COL15A1: variants seen among roughly 807,000 people sequenced by gnomAD.
The protein encoded by COL15A1 is collagen type XV alpha 1 chain.
A neutral mutation model predicts 165.9 loss-of-function variants in COL15A1; 111 were observed. That is an observed-to-expected ratio of 0.67 (90% confidence interval 0.57 to 0.78). The LOEUF is 0.78. Among genes scored for constraint, COL15A1 ranks in the 30% least tolerant of loss-of-function variants. The pLI is 0.00. For missense variants in COL15A1, 1,745 were observed against 1,789.7 expected, an observed-to-expected ratio of 0.98 and a Z score of 0.45; for synonymous variants, 659 against 674.8, an observed-to-expected ratio of 0.98 and a Z score of 0.36.
intron 2 of COL15A1, among the ~76,000 whole-genome samples, chr9:98,957,081 T>C (rs1837788769): frequency 6.6e-6 from 1 of 152,136 alleles, no homozygotes; most frequent in Admixed American, 6.5e-5. Context: ...AGGCTGCAGA[T>C]GGAATCAAGG....
chr9:98,960,704 G>A lies in COL15A1; in HGVS notation c.100+16454G>A, dbSNP rs1008863339. On this transcript the variant is annotated intron_variant, in intron 2 of 41. Transcript: ENST00000375001. ...TTTTGAAACCTCAGTTTCCTCATCT[G>A]TAGAGTGAGGAAACTATAAACGAAA... is the stretch of plus-strand genomic sequence containing the variant. Among the ~76,000 whole-genome samples the A allele has an allele frequency of 2.0e-5, 3 of 152,304 alleles. 1 individual carries two copies. The highest frequency in any genetic ancestry group is 6.8e-3 in the Middle Eastern group (2 of 294).
intron 2 of COL15A1, among the ~76,000 whole-genome samples, chr9:98,956,492 T>C (rs536158893): frequency 6.6e-6 from 1 of 152,348 alleles, no homozygotes; most frequent in South Asian, 2.1e-4. Context: ...TGTATGTATA[T>C]GTTTTATATA....
chr9:99,044,793 T>G (rs1839468432), intron 26 of COL15A1, 23 bp downstream of exon 26: 2 of 1,608,258 alleles, frequency 1.2e-6, no homozygotes, highest in African/African-American at 2.7e-5. Flanking sequence ...GTCTCTCAGC[T>G]GGATCTGGGC....
At position 99,035,377 on chromosome 9, in the gene COL15A1, C is replaced by T; in HGVS notation, c.2248C>T (p.Leu750=). Residue 750 remains leucine (L), a synonymous_variant, in exon 19 of 42, where the codon CTA becomes TTA. Transcript: ENST00000375001. Reference sequence around the variant, plus strand: ...TACCGAAGGCTCTGGAAGCACCCAGCTATTGAATGAACCCAAACTCTCCAG... The same window carrying T: ...TACCGAAGGCTCTGGAAGCACCCAGTTATTGAATGAACCCAAACTCTCCAG... The part of the protein sequence containing the change: ...EDTEGSGSTQ[L]LNEPKLSRPT... 6.2e-7 allele frequency: 1 copy of T among 1,614,176 alleles called. No individual in the cohort carries two copies. Among genetic ancestry groups the T allele is most frequent in the South Asian group, 1.1e-5 (1 of 91,082 alleles).
In COL15A1 at chr9:99,047,952, A is replaced by T. The variant is rs777659373; in HGVS notation, c.2745A>T (p.Gly915=). The T allele has an allele frequency of 6.2e-7, 1 of 1,609,272 alleles. No individual in the cohort carries two copies. The highest frequency in any genetic ancestry group is 1.7e-5 in the Admixed American group (1 of 59,596). Residue 915 remains glycine (G), a synonymous_variant, in exon 28 of 42, where the codon GGA becomes GGT. Transcript: ENST00000375001. The part of the protein sequence containing the change: ...FGLPGRPGRP[G]LNGLKGTKGD... ...GCTGTGGGTTCCAGGGTCGCCCAGG[A>T]CTGAATGGCCTCAAGGGTACCAAAG... is the stretch of plus-strand genomic sequence containing the variant.
intron 35 of COL15A1, among the ~76,000 whole-genome samples, chr9:99,058,513 G>A (rs1335180600): frequency 6.6e-6 from 1 of 152,198 alleles, no homozygotes; most frequent in Non-Finnish European, 1.5e-5. Context: ...CAGGGTGAGT[G>A]CAAGGTGGAG....
At chr9:99,040,451 G>T in intron 22 of COL15A1, 70 bp from the exon 23 acceptor site, 1 of 1,613,202 alleles carries the variant, frequency 6.2e-7, no homozygotes, top group South Asian at 1.1e-5. Flanking sequence ...GGGGCTGGGA[G>T]GGAGGGGGTC....
intron 5 of COL15A1, among the ~76,000 whole-genome samples, chr9:98,991,639 C>T (rs533851685): frequency 4.6e-5 from 7 of 152,208 alleles, no homozygotes; most frequent in South Asian, 2.1e-4. Context: ...AAACCTTGAG[C>T]TAGATACAGA....
At position 99,045,450 on chromosome 9, in the gene COL15A1, G is replaced by A. The variant is rs551396099; in HGVS notation, c.2679+680G>A. ...TGAATTAGTACTAAATGATATTAGG[G>A]CCCTTCTGGCCTTACGGCTCTGGGA... On this transcript the variant is annotated intron_variant, in intron 26 of 41. Transcript: ENST00000375001. Among the ~76,000 whole-genome samples, 19 of 152,304 alleles carry A rather than the reference G, an allele frequency of 1.2e-4. 1 individual carries two copies. The highest frequency in any genetic ancestry group is 1.0e-3 in the South Asian group (5 of 4,828).
intron 39 of COL15A1, among the ~76,000 whole-genome samples, chr9:99,066,386 C>G (rs1317383841): frequency 6.6e-6 from 1 of 152,152 alleles, no homozygotes; most frequent in African/African-American, 2.4e-5. Context: ...CGATGGCTTT[C>G]TCCCAGATCC....
At chr9:99,047,269 GGT>G (rs1414332202) in intron 26 of COL15A1, among the ~76,000 whole-genome samples, 5 of 152,342 alleles carry the variant, frequency 3.3e-5, no homozygotes, top group African/African-American at 1.2e-4. Context: ...GGATGACTGG[GGT>G]GTCAGACCAA....
chr9:99,062,334 G>T, intron 38 of COL15A1, 30 bp downstream of exon 38: 1 of 1,527,746 alleles, frequency 6.5e-7, no homozygotes, highest in East Asian at 2.3e-5. Context: ...GACTGCTCAT[G>T]CATTCATTTA....
chr9:99,027,830 G>A (rs1354780649), intron 16 of COL15A1, among the ~76,000 whole-genome samples: 2 of 152,180 alleles, frequency 1.3e-5, no homozygotes, highest in Non-Finnish European at 2.9e-5. Context: ...AGAGCTGGCA[G>A]GAAACTTTGC....
intron 16 of COL15A1, among the ~76,000 whole-genome samples, chr9:99,033,836 C>G (rs1366419194): frequency 1.3e-5 from 2 of 152,140 alleles, no homozygotes; most frequent in Non-Finnish European, 2.9e-5. Flanking sequence ...GATTCTCCAT[C>G]TGGGGGCCCC....
At chr9:98,992,063 G>A (rs1341118355) in intron 5 of COL15A1, among the ~76,000 whole-genome samples, 2 of 152,266 alleles carry the variant, frequency 1.3e-5, no homozygotes, top group East Asian at 3.9e-4. Flanking sequence ...TCGCCTAGTG[G>A]ATCCCGCACG....
intron 16 of COL15A1, among the ~76,000 whole-genome samples, chr9:99,026,903 T>C (rs1283845748): frequency 6.6e-6 from 1 of 152,224 alleles, no homozygotes; most frequent in Non-Finnish European, 1.5e-5. Context: ...AGCATAGTAC[T>C]GCCTCTCTCT....
chr9:98,973,813 G>A (rs1838100112), intron 2 of COL15A1, among the ~76,000 whole-genome samples: 1 of 152,250 alleles, frequency 6.6e-6, no homozygotes, highest in Non-Finnish European at 1.5e-5. Context: ...GAAAGAACCG[G>A]CAGTTAGGGG....
At chr9:99,046,515 A>C (rs1025773532) in intron 26 of COL15A1, among the ~76,000 whole-genome samples, 1 of 152,224 alleles carries the variant, frequency 6.6e-6, no homozygotes, top group Non-Finnish European at 1.5e-5. Flanking sequence ...AAAGAGGTTT[A>C]ATTGACTCCT....
At position 98,982,875 on chromosome 9, in the gene COL15A1, CTGCACTCCTTGG is replaced by C. The variant is rs1838253480; in HGVS notation, c.101-2689_101-2678del. Among the ~76,000 whole-genome samples the C allele has an allele frequency of 2.0e-5, 3 of 152,270 alleles. No homozygotes were observed. In the South Asian group the frequency reaches 6.2e-4, roughly 32 times the overall value. ...CCTTGAACTCCTGGGCTCAAGTGATCTGCACTCCTTGGCCTCCCAAAGTGTTGGGATTACAGT... is the reference window on the plus strand; with the variant it reads ...CCTTGAACTCCTGGGCTCAAGTGATCCCTCCCAAAGTGTTGGGATTACAGT... On this transcript the variant is annotated intron_variant, in intron 2 of 41. Transcript: ENST00000375001.
Sources: allele counts gnomAD v4.1 joint callset (sites outside exome capture counted in the v4.1 genomes callset), GRCh38; gene constraint gnomAD v4.1.1; transcripts MANE v1.5; gene names NCBI Gene and HGNC (gene_info 2026-07-23, HGNC 2026-07-21).